NACC2: variants seen among roughly 807,000 people sequenced by gnomAD.
NACC2 encodes nucleus accumbens-associated protein 2.
NACC2 carries 8 observed loss-of-function variants against 25.1 expected under a neutral mutation model. The ratio of observed to expected loss-of-function variants is 0.32; its 90% CI spans 0.19 to 0.57. NACC2 has a LOEUF of 0.57. Ranked by LOEUF, NACC2 falls within the 20% of genes least tolerant of loss-of-function variation. The pLI, the probability that NACC2 is intolerant of heterozygous loss-of-function variation, is 0.89. For missense variants in NACC2, 644 were observed against 650.2 expected (o/e 0.99, Z 0.10); for synonymous variants, 435 against 294.7 (o/e 1.48, Z -4.88).
At chr9:136,057,196 T>C (rs1366947229) in intron 1 of NACC2, among the ~76,000 whole-genome samples, 4 of 152,242 alleles carry the variant, frequency 2.6e-5, no homozygotes, top group Non-Finnish European at 5.9e-5. Context: ...CCTGCGCTTA[T>C]GGGGAATGAC....
intron 2 of NACC2, among the ~76,000 whole-genome samples, chr9:136,037,293 G>C (rs566944779): frequency 2.0e-5 from 3 of 151,574 alleles, no homozygotes; most frequent in Non-Finnish European, 4.4e-5. Flanking sequence ...GTGTGATCTC[G>C]GCTCATTGCA....
chr9:136,032,003 T>G (rs1572291), intron 2 of NACC2, among the ~76,000 whole-genome samples: 135,700 of 151,994 alleles, frequency 0.89, 60,871 homozygotes, highest in East Asian at 0.99. Flanking sequence ...GGGGCAAGGG[T>G]CGTCCTCGGC....
intron 1 of NACC2, among the ~76,000 whole-genome samples, chr9:136,051,868 G>T (rs1408084958): frequency 7.2e-6 from 1 of 139,446 alleles, no homozygotes; most frequent in Non-Finnish European, 1.5e-5. Context: ...AGGGCGCAGG[G>T]AGCCGGCAAG....
chr9:136,087,858 G>A (rs574795305), intron 1 of NACC2, among the ~76,000 whole-genome samples: 12 of 152,340 alleles, frequency 7.9e-5, no homozygotes, highest in South Asian at 6.2e-4. Context: ...TGAGCTGCTC[G>A]AGGGAGGGCA....
chr9:136,016,143 A>T, intron 3 of NACC2, 122 bp downstream of exon 3: 1 of 1,115,912 alleles, frequency 9.0e-7, no homozygotes, highest in Non-Finnish European at 1.3e-6. Context: ...AAATTAGAGG[A>T]AATTTAAGAT....
At chr9:136,047,523 G>A (rs995000168) in intron 2 of NACC2, among the ~76,000 whole-genome samples, 2 of 152,162 alleles carry the variant, frequency 1.3e-5, no homozygotes, top group Admixed American at 1.3e-4. Context: ...GCTGGCATCA[G>A]CGACACCCGT....
At position 136,049,984 on chromosome 9, in the gene NACC2, G is replaced by C. The variant is rs1363281545; in HGVS notation, c.538C>G (p.Leu180Val). Residue 180 changes from leucine (L) to valine (V), a missense_variant, in exon 2 of 6, where the codon CTG (leucine) becomes GTG (valine). Coordinates refer to ENST00000277554, the MANE Select transcript of NACC2 (RefSeq NM_144653.5). ...LTRVKHEAMELPPAGPGLAPK... is the reference protein window; with the variant it reads ...LTRVKHEAMEVPPAGPGLAPK... ...GCCAGGCCTGGGCCGGCCGGCGGCA[G>C]CTCCATGGCTTCATGCTTTACTCGG... The C allele has an allele frequency of 2.9e-5, 19 of 648,740 alleles. No homozygotes were observed. The highest frequency in any genetic ancestry group is 4.3e-4 in the Middle Eastern group (1 of 2,326). 40.2% of individuals were successfully genotyped at this position (648,740 alleles called of 1,614,324 possible). A position where few individuals can be genotyped will look rare whatever the true frequency, so the allele number is the denominator to read the frequency against.
At chr9:136,082,487 G>T (rs1830334346) in intron 1 of NACC2, among the ~76,000 whole-genome samples, 1 of 152,200 alleles carries the variant, frequency 6.6e-6, no homozygotes, top group Non-Finnish European at 1.5e-5. Context: ...GCAGGTGTGT[G>T]CAGGGCGGAG....
chr9:136,091,326 A>T (rs1435743459), intron 1 of NACC2, among the ~76,000 whole-genome samples: 1 of 152,134 alleles, frequency 6.6e-6, no homozygotes, highest in African/African-American at 2.4e-5. Context: ...CTCAGGGAGG[A>T]CGGGTTCCTC....
At chr9:136,091,449 G>T (rs1455807538) in intron 1 of NACC2, among the ~76,000 whole-genome samples, 3 of 152,236 alleles carry the variant, frequency 2.0e-5, no homozygotes, top group Non-Finnish European at 4.4e-5. Context: ...CACTGGGGAT[G>T]TGGTGGGGCC....
Position 136,018,359 on chromosome 9 carries a change from G to A in NACC2, c.887-1930C>T, listed in dbSNP as rs1402097801. ...CACCTTTGCACCCAGCGCCTGTCAGGGAGGGGCAGGCCACCCAGCCCTGGG... is the reference window on the plus strand; with the variant it reads ...CACCTTTGCACCCAGCGCCTGTCAGAGAGGGGCAGGCCACCCAGCCCTGGG... On this transcript the variant is annotated intron_variant, in intron 2 of 5. Coordinates refer to ENST00000277554, the MANE Select transcript of NACC2 (RefSeq NM_144653.5). The surrounding 1 kb of genome is among the most constrained non-coding windows in gnomAD (Gnocchi z 4.4). 6.6e-6 allele frequency among the ~76,000 whole-genome samples: 1 copy of A among 152,020 alleles called. No individual in the cohort carries two copies. Among genetic ancestry groups the A allele is most frequent in the Non-Finnish European group, 1.5e-5 (1 of 67,976 alleles).
chr9:136,078,309 G>C (rs1285499639), intron 1 of NACC2, among the ~76,000 whole-genome samples: 2 of 152,200 alleles, frequency 1.3e-5, no homozygotes, highest in African/African-American at 4.8e-5. Flanking sequence ...ACGAAGCTCA[G>C]TCCCTCGGAA....
rs778105259 is a variant in NACC2 at position 136,013,261 on chromosome 9, C to T, written c.1193G>A (p.Arg398His). 1 of 1,611,708 alleles carries T rather than the reference C, an allele frequency of 6.2e-7. No homozygotes were observed. The highest frequency in any genetic ancestry group is 8.5e-7 in the Non-Finnish European group (1 of 1,179,472). ...TLANSCGTGI[R>H]SSTSDPSRKP... ...CCGGCTGGGGTCGCTGGTGGACGAG[C>T]GGATGCCAGTCCCGCAGCTGTTGGC... The change falls in exon 5 of 6, where the codon CGC (arginine) becomes CAC (histidine). Residue 398 changes from arginine to histidine, a missense_variant. By Grantham distance (29) the Arg-to-His change is conservative. Coordinates refer to ENST00000277554, the MANE Select transcript of NACC2 (RefSeq NM_144653.5). The surrounding 1 kb of genome is among the most constrained non-coding windows in gnomAD (Gnocchi z 6.6).
At chr9:136,054,679 C>T (rs1213205275) in intron 1 of NACC2, among the ~76,000 whole-genome samples, 2 of 152,014 alleles carry the variant, frequency 1.3e-5, no homozygotes, top group African/African-American at 4.8e-5. Flanking sequence ...CCCTCCCCTG[C>T]ACATTCTCCA....
At chr9:136,031,437 G>A (rs1368760981) in intron 2 of NACC2, among the ~76,000 whole-genome samples, 5 of 152,138 alleles carry the variant, frequency 3.3e-5, no homozygotes, top group African/African-American at 4.8e-5. Context: ...TCCCGGGTTC[G>A]AGCAATTCTC....
chr9:136,062,233 A>C (rs1167985096), intron 1 of NACC2, among the ~76,000 whole-genome samples: 2 of 152,162 alleles, frequency 1.3e-5, no homozygotes, highest in Non-Finnish European at 2.9e-5. Context: ...GCAACTAAGC[A>C]ACATGATGAC....
At chr9:136,029,941 G>A (rs1840449838) in intron 2 of NACC2, among the ~76,000 whole-genome samples, 1 of 152,214 alleles carries the variant, frequency 6.6e-6, no homozygotes, top group Admixed American at 6.5e-5. Flanking sequence ...GAGCCCAGCA[G>A]GCACGAGCAA....
In NACC2 at chr9:136,011,576, CCTGCTGGGGCCG is replaced by C. The variant is rs1840106942; in HGVS notation, c.1692_1703del (p.Gly565_Arg568del). 7.1e-7 allele frequency: 1 copy of C among 1,406,664 alleles called. No individual in the cohort carries two copies. Among genetic ancestry groups the C allele is most frequent in the Admixed American group, 3.0e-5 (1 of 33,108 alleles). 87.1% of individuals were successfully genotyped at this position (1,406,664 alleles called of 1,614,324 possible). On this transcript the variant is annotated inframe_deletion, in exon 6 of 6. Transcript: ENST00000277554. ...GGGCCGCGGCCGCCGGCGTCTGGGG[CCTGCTGGGGCCG>C]CCCCCGCCCTGCTCAAAGGGCTGTG... is the stretch of plus-strand genomic sequence containing the variant.
rs555156726 is a variant in NACC2, at chr9:136,077,839, G to C, written c.-60+17350C>G. Reference sequence around the variant, plus strand: ...AGTTTGAAAAGTGAATAAGGAATCAGTGATGAATACTGACTTGTGCTTTAT... The same window carrying C: ...AGTTTGAAAAGTGAATAAGGAATCACTGATGAATACTGACTTGTGCTTTAT... On this transcript the variant is annotated intron_variant, in intron 1 of 5. Transcript: ENST00000277554. Among the ~76,000 whole-genome samples the C allele has an allele frequency of 5.2e-5, 8 of 152,384 alleles. 1 individual carries two copies. Among genetic ancestry groups the C allele is most frequent in the Admixed American group, 3.3e-4 (5 of 15,310 alleles).
Sources: gnomAD v4.1 joint callset for allele counts (sites outside exome capture counted in the v4.1 genomes callset) on GRCh38, gnomAD v4.1.1 for gene constraint, Gnocchi (gnomAD v3.1) non-coding constraint, MANE v1.5 for transcripts, NCBI Gene and HGNC (gene_info 2026-07-23, HGNC 2026-07-21) for gene names.